The following ULK4 variants were observed in gnomAD, a reference collection of about 807,000 sequenced individuals.
The protein encoded by ULK4 is unc-51 like kinase 4, also known as inactive serine/threonine-protein kinase ULK4.
Under a neutral mutation model 160.6 loss-of-function variants are expected in ULK4, and 133 were observed. The observed-to-expected ratio is 0.83, with a 90% CI of 0.72 to 0.96. ULK4 has a LOEUF of 0.96. ULK4 is among the 40% of genes least tolerant of loss of function. ULK4 has a pLI of 0.00. For synonymous variants in ULK4, 534 were observed against 539.8 expected, an observed-to-expected ratio of 0.99 and a Z score of 0.15; for missense variants, 1,580 against 1,499.5, an observed-to-expected ratio of 1.05 and a Z score of -0.89.
At position 41,883,913 on chromosome 3, in the gene ULK4, C is replaced by T. The variant is rs376466562; in HGVS notation, c.1617G>A (p.Ser539=). Residue 539 remains serine (S), a synonymous_variant, in exon 17 of 37, where the codon TCG becomes TCA. Transcript: ENST00000301831. The part of the protein sequence containing the change: ...KVAHVIGLLA[S]HTAELQENTP... ...TATTTTCCTGGAGCTCAGCTGTGTG[C>T]GAAGCCAGTAAACCAATTACGTGAG... The T allele has an allele frequency of 8.7e-6, 14 of 1,610,244 alleles. No individual in the cohort carries two copies. Among genetic ancestry groups the T allele is most frequent in the African/African-American group, 1.3e-5 (1 of 74,900 alleles).
chr3:41,671,150 C>T (rs1324314140), intron 29 of ULK4, among the ~76,000 whole-genome samples: 1 of 151,994 alleles, frequency 6.6e-6, no homozygotes, highest in African/African-American at 2.4e-5. Flanking sequence ...ATTAAAATGA[C>T]CATACTGCCC....
At chr3:41,896,757 A>T in intron 15 of ULK4, 65 bp downstream of exon 15, 1 of 1,476,852 alleles carries the variant, frequency 6.8e-7, no homozygotes, top group Non-Finnish European at 9.0e-7. Context: ...TTGTTATTTT[A>T]GCACTTGTTT....
At chr3:41,511,457 AT>A (rs1245221137) in intron 32 of ULK4, among the ~76,000 whole-genome samples, 1 of 152,188 alleles carries the variant, frequency 6.6e-6, no homozygotes, top group Non-Finnish European at 1.5e-5. Context: ...AATGGGATAT[AT>A]TACTACTGAT....
intron 34 of ULK4, among the ~76,000 whole-genome samples, chr3:41,415,528 C>A (rs4973946): frequency 2.0e-5 from 3 of 151,886 alleles, no homozygotes; most frequent in Non-Finnish European, 4.4e-5. Context: ...AGCACGGTGC[C>A]GCTCAGGGTA....
At chr3:41,478,971 C>T (rs1352000721) in intron 32 of ULK4, among the ~76,000 whole-genome samples, 1 of 152,182 alleles carries the variant, frequency 6.6e-6, no homozygotes, top group Non-Finnish European at 1.5e-5. Context: ...TTCCAATGCC[C>T]AGGAAAGTGC....
At chr3:41,314,273 G>A (rs1214676765) in intron 35 of ULK4, among the ~76,000 whole-genome samples, 4 of 152,290 alleles carry the variant, frequency 2.6e-5, no homozygotes, top group South Asian at 2.1e-4. Context: ...TTGTGCAGTG[G>A]TAAAGTCTGG....
intron 35 of ULK4, among the ~76,000 whole-genome samples, chr3:41,268,161 T>A (rs565175761): frequency 1.3e-5 from 2 of 152,328 alleles, no homozygotes; most frequent in South Asian, 4.1e-4. Flanking sequence ...ACAGTCCCCA[T>A]GATAAAGAAT....
intron 34 of ULK4, among the ~76,000 whole-genome samples, chr3:41,433,238 A>T (rs917866081): frequency 2.0e-5 from 3 of 152,188 alleles, no homozygotes; most frequent in African/African-American, 7.2e-5. Flanking sequence ...TTAACCTACA[A>T]AAGATGCTAA....
chr3:41,326,266 C>T (rs1045284104), intron 35 of ULK4, among the ~76,000 whole-genome samples: 5 of 152,062 alleles, frequency 3.3e-5, no homozygotes, highest in South Asian at 2.1e-4. Context: ...TCTTCAAATT[C>T]GATTCTTAAA....
chr3:41,450,632 T>A (rs909040128), intron 34 of ULK4, among the ~76,000 whole-genome samples: 1 of 152,192 alleles, frequency 6.6e-6, no homozygotes, highest in Non-Finnish European at 1.5e-5. Flanking sequence ...ACTGAAAGTG[T>A]GTTTATTTTT....
chr3:41,891,704 G>T (rs11926096), intron 16 of ULK4, among the ~76,000 whole-genome samples: 3 of 152,178 alleles, frequency 2.0e-5, no homozygotes, highest in African/African-American at 7.2e-5. Context: ...ATCAGGAGTT[G>T]GAGACCATCT....
In ULK4 at chr3:41,445,212, G is replaced by T. The variant is rs554772735; in HGVS notation, c.3492+10285C>A. 2.6e-5 allele frequency among the ~76,000 whole-genome samples: 4 copies of T among 152,096 alleles called. No individual in the cohort carries two copies. The South Asian group carries it at 6.2e-4, about 24-fold the overall frequency. ...AGGAGAACTACAAACCACTGCTCAAGGAAATAAAAAAGGATACAAACAAAT... is the reference window on the plus strand; with the variant it reads ...AGGAGAACTACAAACCACTGCTCAATGAAATAAAAAAGGATACAAACAAAT... On this transcript the variant is annotated intron_variant, in intron 34 of 36. Transcript: ENST00000301831.
chr3:41,481,548 C>T (rs1030406449), intron 32 of ULK4, among the ~76,000 whole-genome samples: 2 of 152,110 alleles, frequency 1.3e-5, no homozygotes, highest in African/African-American at 4.8e-5. Flanking sequence ...GCATTCCTGG[C>T]CGGGCGCGGT....
chr3:41,947,061 C>T (rs904273271), intron 2 of ULK4, among the ~76,000 whole-genome samples: 4 of 152,344 alleles, frequency 2.6e-5, no homozygotes, highest in African/African-American at 9.6e-5. Flanking sequence ...GGCGCAGTGG[C>T]TCATGCCTGT....
At chr3:41,667,171 A>C (rs780697843) in intron 29 of ULK4, among the ~76,000 whole-genome samples, 2 of 151,832 alleles carry the variant, frequency 1.3e-5, no homozygotes, top group African/African-American at 2.4e-5. Context: ...AAAAAAGAAA[A>C]ACACACACAC....
Position 41,774,241 on chromosome 3 carries a change from G to C in ULK4, c.2193+15420C>G, listed in dbSNP as rs1169396809. Among the ~76,000 whole-genome samples the C allele has an allele frequency of 2.6e-5, 4 of 151,590 alleles. No homozygotes were observed. In the East Asian group the frequency reaches 7.7e-4, roughly 29 times the overall value. ...ACAAATGGGATCTAATTAAACTAAA[G>C]AGCTTCTGCACAGCAAAAGAAACCA... On this transcript the variant is annotated intron_variant, in intron 21 of 36. Transcript: ENST00000301831.
rs892160456 is a variant in ULK4, at chr3:41,555,962, T to C, written c.3226+10063A>G. Among the ~76,000 whole-genome samples the C allele has an allele frequency of 1.8e-4, 28 of 152,030 alleles. 1 individual carries two copies. Among genetic ancestry groups the C allele is most frequent in the African/African-American group, 5.1e-4 (21 of 41,392 alleles). Reference sequence around the variant, plus strand: ...AATATGGTGTATTCTCACTTATAAGTAGGAGCTAAATGATGAGAATACTTG... The same window carrying C: ...AATATGGTGTATTCTCACTTATAAGCAGGAGCTAAATGATGAGAATACTTG... On this transcript the variant is annotated intron_variant, in intron 32 of 36. Transcript: ENST00000301831.
intron 34 of ULK4, among the ~76,000 whole-genome samples, chr3:41,423,175 A>C (rs146594621): frequency 1.3e-5 from 2 of 152,330 alleles, no homozygotes; most frequent in African/African-American, 4.8e-5. Context: ...GACAGTAAGC[A>C]GGGAAAAGGA....
At chr3:41,507,630 A>C (rs1198574604) in intron 32 of ULK4, among the ~76,000 whole-genome samples, 1 of 151,514 alleles carries the variant, frequency 6.6e-6, no homozygotes, top group African/African-American at 2.4e-5. Context: ...AAAAAAAAAA[A>C]AAAAAAAAAC....
Sources: gnomAD v4.1 joint callset for allele counts (sites outside exome capture counted in the v4.1 genomes callset) on GRCh38, gnomAD v4.1.1 for gene constraint, MANE v1.5 for transcripts, NCBI Gene and HGNC (gene_info 2026-07-23, HGNC 2026-07-21) for gene names.